The following UBA52 variants were observed in gnomAD, a reference collection of about 807,000 sequenced individuals.
UBA52 encodes the protein ubiquitin A-52 residue ribosomal protein fusion product 1, also known as ubiquitin-ribosomal protein eL40 fusion protein.
In UBA52, 1 loss-of-function variant was observed where a neutral mutation model predicts 15.3. The ratio of observed to expected loss-of-function variants is 0.07; its 90% CI spans 0.02 to 0.31. UBA52 has a LOEUF of 0.31. Ranked by LOEUF, UBA52 falls within the 10% of genes least tolerant of loss-of-function variation. The pLI is 1.00. For synonymous variants in UBA52, 50 were observed against 58.3 expected, an observed-to-expected ratio of 0.86 and a Z score of 0.65; for missense variants, 87 against 168.0, an observed-to-expected ratio of 0.52 and a Z score of 2.66.
At chr19:18,571,528 A>AAT (rs1180727469), upstream of UBA52, among the ~76,000 whole-genome samples, 1 of 152,206 alleles carries the variant, frequency 6.6e-6, no homozygotes, top group Non-Finnish European at 1.5e-5. Flanking sequence ...CCTCTGCTTA[A>AAT]TACCTTTGCT....
chr19:18,567,127 T>C (rs1975283000), upstream of UBA52: 1 of 1,614,026 alleles, frequency 6.2e-7, no homozygotes, highest in Non-Finnish European at 8.5e-7. Flanking sequence ...TTCTCTCCCC[T>C]GCAGGACGCT....
Position 18,573,354 on chromosome 19 carries a change from G to T in UBA52, c.54G>T (p.Glu18Asp). The change falls in exon 2 of 5, where the codon GAG (glutamate) becomes GAT (aspartate). Residue 18 changes from glutamate (E) to aspartate (D), a missense_variant. Glu to Asp is a conservative substitution (Grantham distance 45). Coordinates refer to ENST00000442744, the MANE Select transcript of UBA52 (RefSeq NM_001033930.3). The stretch of plus-strand genomic sequence containing the variant: ...GCAAAACCATCACCCTTGAGGTCGA[G>T]CCCAGTGACACCATTGAGAATGTCA... The part of the protein sequence containing the change: ...LTGKTITLEV[E>D]PSDTIENVKA... The T allele has an allele frequency of 1.2e-6, 2 of 1,614,182 alleles. No homozygotes were observed. The highest frequency in any genetic ancestry group is 1.7e-6 in the Non-Finnish European group (2 of 1,180,036).
At chr19:18,566,290 A>G in the UBA52 span, among the ~76,000 whole-genome samples, 1 of 152,012 alleles carries the variant, frequency 6.6e-6, no homozygotes, top group Non-Finnish European at 1.5e-5. Flanking sequence ...CTCTACTAAA[A>G]ATACAAAAAA....
rs1182201702 is a variant in UBA52 at position 18,572,701 on chromosome 19, A to G, written c.-8-592A>G. The G allele has an allele frequency of 4.3e-6, 3 of 690,400 alleles. No homozygotes were observed. In the African/African-American group the frequency reaches 5.8e-5, roughly 13 times the overall value. The allele number at this position is 690,400 out of a possible 1,614,324, so 42.8% of individuals were successfully genotyped here. A position where few individuals can be genotyped will look rare whatever the true frequency, so the allele number is the denominator to read the frequency against. ...GCAGGTGGTTGGTAGATACTAAGTGATGTTCGTGGTTTGGGGTCAAGGCAA... is the reference window on the plus strand; with the variant it reads ...GCAGGTGGTTGGTAGATACTAAGTGGTGTTCGTGGTTTGGGGTCAAGGCAA... On this transcript the variant is annotated intron_variant, in intron 1 of 4. Transcript: ENST00000442744.
chr19:18,566,149 T>TA, the UBA52 span, among the ~76,000 whole-genome samples: 1 of 151,678 alleles, frequency 6.6e-6, no homozygotes, highest in Non-Finnish European at 1.5e-5. Context: ...TATTTATTCT[T>TA]AAAAAATGTA....
chr19:18,570,001 A>G (rs1425002692), upstream of UBA52, among the ~76,000 whole-genome samples: 3 of 152,196 alleles, frequency 2.0e-5, no homozygotes, highest in South Asian at 4.1e-4. Context: ...ACTGCACTCT[A>G]GCCTGGGCAA....
At chr19:18,571,346 G>C (rs1440531598), upstream of UBA52, among the ~76,000 whole-genome samples, 5 of 148,630 alleles carry the variant, frequency 3.4e-5, no homozygotes, top group Admixed American at 6.7e-5. Flanking sequence ...AGTCCCGCTT[G>C]ACACCTTTTG....
At position 18,573,762 on chromosome 19, in the gene UBA52, G is replaced by T. The variant is rs764485846; in HGVS notation, c.190+14G>T. The T allele has an allele frequency of 1.9e-6, 3 of 1,613,256 alleles. No individual in the cohort carries two copies. Among genetic ancestry groups the T allele is most frequent in the Non-Finnish European group, 1.7e-6 (2 of 1,179,476 alleles). Reference sequence around the variant, plus strand: ...ACATCCAGAAAGGTACCGGGGTTGGGGTTGCTGGGCAGGGACCCAAGATCC... The same window carrying T: ...ACATCCAGAAAGGTACCGGGGTTGGTGTTGCTGGGCAGGGACCCAAGATCC... On this transcript the variant is annotated intron_variant, in intron 3 of 4. Coordinates refer to ENST00000442744, the MANE Select transcript of UBA52 (RefSeq NM_001033930.3).
rs558225515 is a variant in UBA52, at chr19:18,575,262, C to A, written c.*112C>A. On this transcript the variant is annotated 3_prime_UTR_variant, in exon 5 of 5. Transcript: ENST00000442744. ...AGCAATTGGTGTCCTCATGGCTGAT[C>A]TGTCCAGGGAGGTGGCTGAAGAGTG... 2.8e-5 allele frequency: 37 copies of A among 1,326,980 alleles called. No individual in the cohort carries two copies. Among genetic ancestry groups the A allele is most frequent in the Admixed American group, 3.9e-5 (2 of 51,384 alleles). The allele number at this position is 1,326,980 out of a possible 1,614,324, so 82.2% of individuals were successfully genotyped here.
the UBA52 span, among the ~76,000 whole-genome samples, chr19:18,563,979 C>T: frequency 6.6e-6 from 1 of 151,826 alleles, no homozygotes; most frequent in African/African-American, 2.4e-5. Flanking sequence ...GTCCGCCTCC[C>T]GGGTTCAAAT....
At chr19:18,564,573 A>G in the UBA52 span, among the ~76,000 whole-genome samples, 1 of 152,148 alleles carries the variant, frequency 6.6e-6, no homozygotes, top group South Asian at 2.1e-4. Flanking sequence ...CAGTGAGCCG[A>G]GATCGCGCCA....
Position 18,577,373 on chromosome 19 carries a change from C to T in UBA52, c.*2223C>T, listed in dbSNP as rs903277483. ...GTAACAGGGATATGAGCTCTAGCCG[C>T]CCAAGCTAGCAATGGCAACCCTTCT... On this transcript the variant is annotated 3_prime_UTR_variant, in exon 5 of 5. Coordinates refer to ENST00000442744, the MANE Select transcript of UBA52 (RefSeq NM_001033930.3). 6.6e-6 allele frequency: 1 copy of T among 152,160 alleles called. No homozygotes were observed. The highest frequency in any genetic ancestry group is 2.4e-5 in the African/African-American group (1 of 41,434). 9.4% of individuals were successfully genotyped at this position (152,160 alleles called of 1,614,324 possible).
At chr19:18,568,371 C>G (rs371064327), upstream of UBA52, 21 of 1,569,556 alleles carry the variant, frequency 1.3e-5, no homozygotes, top group Non-Finnish European at 1.8e-5. Context: ...GGCAAGGTGA[C>G]AAAACCAACT....
upstream of UBA52, among the ~76,000 whole-genome samples, chr19:18,570,018 C>T (rs1318209942): frequency 6.6e-6 from 1 of 152,052 alleles, no homozygotes; most frequent in African/African-American, 2.4e-5. Context: ...GCAAAAAGAC[C>T]AAAACTGTTG....
In UBA52 at chr19:18,575,368, G is replaced by A; in HGVS notation, c.*218G>A. 2 of 574,296 alleles carry A rather than the reference G, an allele frequency of 3.5e-6. No homozygotes were observed. Among genetic ancestry groups the A allele is most frequent in the Admixed American group, 3.1e-5 (1 of 32,624 alleles). The allele number at this position is 574,296 out of a possible 1,614,324, so 35.6% of individuals were successfully genotyped here. A position where few individuals can be genotyped will look rare whatever the true frequency, so the allele number is the denominator to read the frequency against. On this transcript the variant is annotated 3_prime_UTR_variant, in exon 5 of 5. Coordinates refer to ENST00000442744, the MANE Select transcript of UBA52 (RefSeq NM_001033930.3). The stretch of plus-strand genomic sequence containing the variant: ...TTCTGTCCTAGATTCTGTCACATCG[G>A]CATTGGTCCCTGCCCTATGCCCCTG...
rs1473031819 is a variant in UBA52, at chr19:18,575,218, C to T, written c.*68C>T. 2 of 1,579,794 alleles carry T rather than the reference C, an allele frequency of 1.3e-6. No homozygotes were observed. Among genetic ancestry groups the T allele is most frequent in the Non-Finnish European group, 1.7e-6 (2 of 1,154,364 alleles). On this transcript the variant is annotated 3_prime_UTR_variant, in exon 5 of 5. Coordinates refer to ENST00000442744, the MANE Select transcript of UBA52 (RefSeq NM_001033930.3). ...TGGCCCTGGAGCCTCAATAAAGTGTCCCTTTCATTGACTGGAGCAGCAATT... is the reference window on the plus strand; with the variant it reads ...TGGCCCTGGAGCCTCAATAAAGTGTTCCTTTCATTGACTGGAGCAGCAATT...
At chr19:18,565,074 T>C in the UBA52 span, 1 of 1,586,282 alleles carries the variant, frequency 6.3e-7, no homozygotes, top group Non-Finnish European at 8.5e-7. Context: ...CACCTCCCCA[T>C]CTGAGCCTCA....
upstream of UBA52, chr19:18,571,686 C>T (rs913266312): frequency 6.6e-6 from 1 of 152,270 alleles, no homozygotes; most frequent in African/African-American, 2.4e-5. Flanking sequence ...GGGCCCACAA[C>T]CGGAAGCGGG....
chr19:18,573,207 A>C (rs1385951818), intron 1 of UBA52, 86 bp from the exon 2 acceptor site: 1 of 1,331,564 alleles, frequency 7.5e-7, no homozygotes, highest in African/African-American at 1.4e-5. Flanking sequence ...AGGCAAAGGG[A>C]TAGCAACTGT....
Sources: gnomAD v4.1 joint callset for allele counts (sites outside exome capture counted in the v4.1 genomes callset) on GRCh38, gnomAD v4.1.1 for gene constraint, MANE v1.5 for transcripts, NCBI Gene and HGNC (gene_info 2026-07-23, HGNC 2026-07-21) for gene names.